Variants in TRMT11 observed in about 807,000 individuals in gnomAD.
The protein encoded by TRMT11 is tRNA methyltransferase 11.
TRMT11 carries 53 observed loss-of-function variants against 62.8 expected under a neutral mutation model. That is an observed-to-expected ratio of 0.84 (90% CI 0.68 to 1.06). The LOEUF (loss-of-function observed/expected upper bound fraction) is 1.06. Ranked by LOEUF, TRMT11 falls within the 50% of genes least tolerant of loss-of-function variation. The pLI, the probability that TRMT11 is intolerant of heterozygous loss-of-function variation, is 0.00. For synonymous variants in TRMT11, 188 were observed against 190.3 expected, an observed-to-expected ratio of 0.99 and a Z score of 0.10; for missense variants, 556 against 553.4, an observed-to-expected ratio of 1.00 and a Z score of -0.05.
the TRMT11 span, among the ~76,000 whole-genome samples, chr6:126,236,955 A>G: frequency 6.6e-6 from 1 of 152,094 alleles, no homozygotes; most frequent in East Asian, 1.9e-4. Context: ...TGGCTTCTGC[A>G]TCACTCACAG....
intron 8 of TRMT11, among the ~76,000 whole-genome samples, chr6:126,010,430 C>A (rs1427472246): frequency 1.3e-5 from 2 of 152,044 alleles, no homozygotes; most frequent in African/African-American, 4.8e-5. Flanking sequence ...TTTTCAGAGT[C>A]ATGTCGTTCT....
At chr6:126,059,425 TCTGTGG>T (rs1267886234) in intron 17 of TRMT11, among the ~76,000 whole-genome samples, 10 of 152,168 alleles carry the variant, frequency 6.6e-5, no homozygotes, top group Admixed American at 6.5e-5. Context: ...AAAAGGAGTA[TCTGTGG>T]CAGCTTTTAT....
downstream of TRMT11, among the ~76,000 whole-genome samples, chr6:126,039,803 T>C (rs1290277827): frequency 1.3e-5 from 2 of 151,932 alleles, no homozygotes; most frequent in Non-Finnish European, 2.9e-5. Context: ...AGAGCCTGTA[T>C]TTATTATTAT....
intron 21 of TRMT11, among the ~76,000 whole-genome samples, chr6:126,150,119 C>G (rs984064789): frequency 1.3e-5 from 2 of 152,002 alleles, no homozygotes; most frequent in African/African-American, 2.4e-5. Flanking sequence ...GATTAATGGA[C>G]TAATGGACTA....
Position 126,200,754 on chromosome 6 carries a change from C to T in TRMT11, n.371+854C>T, listed in dbSNP as rs981891032. 3.9e-5 allele frequency among the ~76,000 whole-genome samples: 6 copies of T among 152,198 alleles called. 1 individual carries two copies. The highest frequency in any genetic ancestry group is 3.9e-4 in the East Asian group (2 of 5,168). On this transcript the variant is annotated intron_variant and non_coding_transcript_variant, in intron 3 of 3. Transcript: ENST00000444229. ...ATTTTTAGTAGAGACAGGTTTTCAC[C>T]GTGTTAGCCAGGATGGTTTCAATCT...
At chr6:126,004,385 A>G (rs938646141) in intron 7 of TRMT11, among the ~76,000 whole-genome samples, 1 of 152,026 alleles carries the variant, frequency 6.6e-6, no homozygotes, top group African/African-American at 2.4e-5. Flanking sequence ...TGAGAGGAGG[A>G]TCTTTGCAAA....
At chr6:126,122,237 G>A (rs1352160821) in intron 21 of TRMT11, among the ~76,000 whole-genome samples, 2 of 152,062 alleles carry the variant, frequency 1.3e-5, no homozygotes, top group African/African-American at 4.8e-5. Context: ...CCAGTCTCGG[G>A]TATGTCTTTA....
chr6:126,177,463 T>G (rs1778399636), intron 1 of TRMT11: 1 of 152,220 alleles, frequency 6.6e-6, no homozygotes, highest in Non-Finnish European at 1.5e-5. Context: ...TAGCTATTTC[T>G]TCTGGCATCT....
intron 21 of TRMT11, among the ~76,000 whole-genome samples, chr6:126,129,545 C>T (rs1777756519): frequency 6.6e-6 from 1 of 151,858 alleles, no homozygotes. Context: ...GTTTTTGATG[C>T]AGTGTCTCCC....
chr6:126,240,901 G>A, the TRMT11 span, among the ~76,000 whole-genome samples: 1,805 of 152,328 alleles, frequency 0.012, 37 homozygotes, highest in African/African-American at 0.04. Context: ...CTCAAGCCTC[G>A]GCAATGGTGG....
At chr6:126,086,774 G>A (rs1777221770) in intron 17 of TRMT11, among the ~76,000 whole-genome samples, 1 of 151,886 alleles carries the variant, frequency 6.6e-6, no homozygotes, top group Non-Finnish European at 1.5e-5. Context: ...ATTACATCAC[G>A]TGACTTTAAG....
At chr6:126,164,827 C>G (rs1415523161) in intron 21 of TRMT11, among the ~76,000 whole-genome samples, 1 of 152,000 alleles carries the variant, frequency 6.6e-6, no homozygotes, top group African/African-American at 2.4e-5. Flanking sequence ...GTTCCATTTC[C>G]TTGGTAAGTC....
rs1361591982 is a variant in TRMT11, at chr6:126,139,034, C to G, written c.*1823+23179C>G. Among the ~76,000 whole-genome samples, 2 of 151,930 alleles carry G rather than the reference C, an allele frequency of 1.3e-5. 1 individual carries two copies. Among genetic ancestry groups the G allele is most frequent in the South Asian group, 4.1e-4 (2 of 4,824 alleles). ...GAAAACAATAATGCATACTTAGCAG[C>G]AAGGTTAATTTATGGACCTGCATTT... On this transcript the variant is annotated intron_variant and NMD_transcript_variant, in intron 21 of 22. Coordinates refer to the TRMT11 transcript ENST00000648977.
the TRMT11 span, among the ~76,000 whole-genome samples, chr6:126,262,494 C>G: frequency 6.6e-6 from 1 of 152,090 alleles, no homozygotes; most frequent in Non-Finnish European, 1.5e-5. Flanking sequence ...GATCATGGAG[C>G]CTCAGGGATG....
At chr6:126,059,045 C>CTTTTTTT (rs1036996695) in intron 17 of TRMT11, among the ~76,000 whole-genome samples, 8 of 128,116 alleles carry the variant, frequency 6.2e-5, no homozygotes, top group African/African-American at 1.9e-4. Context: ...CTCTACTTAT[C>CTTTTTTT]TTTTTTTTTT....
intron 17 of TRMT11, among the ~76,000 whole-genome samples, chr6:126,082,105 G>T (rs1014571690): frequency 3.3e-5 from 5 of 152,082 alleles, no homozygotes; most frequent in Admixed American, 2.6e-4. Flanking sequence ...TGTGGACAGT[G>T]CAATCTATCT....
At chr6:126,211,641 T>A in the TRMT11 span, among the ~76,000 whole-genome samples, 3 of 151,362 alleles carry the variant, frequency 2.0e-5, no homozygotes, top group Non-Finnish European at 2.9e-5. Flanking sequence ...TTATATATAT[T>A]TTTTAATTTT....
the TRMT11 span, among the ~76,000 whole-genome samples, chr6:126,256,773 TG>T: frequency 6.6e-6 from 1 of 152,210 alleles, no homozygotes; most frequent in Non-Finnish European, 1.5e-5. Flanking sequence ...TGAGTCCCAC[TG>T]TGCTCTTGGC....
At chr6:126,039,930 T>A (rs1462901972), downstream of TRMT11, among the ~76,000 whole-genome samples, 1 of 152,114 alleles carries the variant, frequency 6.6e-6, no homozygotes, top group East Asian at 1.9e-4. Context: ...TCTGCTTTGC[T>A]CTCTTTTTCT....
Sources: gnomAD v4.1 joint callset for allele counts (sites outside exome capture counted in the v4.1 genomes callset) on GRCh38, gnomAD v4.1.1 for gene constraint, MANE v1.5 for transcripts, NCBI Gene and HGNC (gene_info 2026-07-23, HGNC 2026-07-21) for gene names.